SHC2: variants seen among roughly 807,000 people sequenced by gnomAD.
SHC2 encodes SHC-transforming protein 2.
Under a neutral mutation model 60.6 loss-of-function variants are expected in SHC2, and 62 were observed. That is an observed-to-expected ratio of 1.02 (90% CI 0.83 to 1.26). SHC2 has a LOEUF of 1.26. SHC2 is among the 50% of genes most tolerant of loss of function. The pLI, the probability that SHC2 is intolerant of heterozygous loss-of-function variation, is 0.00. For synonymous variants in SHC2, 375 were observed against 372.4 expected (o/e 1.01, Z -0.08); for missense variants, 873 against 822.2 (o/e 1.06, Z -0.76).
chr19:422,934 C>T lies in SHC2; in HGVS notation c.1310-478G>A, dbSNP rs932870945. The T allele has an allele frequency of 6.1e-6, 1 of 163,712 alleles. No homozygotes were observed. Among genetic ancestry groups the T allele is most frequent in the Non-Finnish European group, 1.3e-5 (1 of 75,590 alleles). 10.1% of individuals were successfully genotyped at this position (163,712 alleles called of 1,614,324 possible). ...TTCTAACGGCTTCCAACAATGCCAA[C>T]ATCCGACAGGCCACTCTAAGGCTCT... On this transcript the variant is annotated intron_variant, in intron 10 of 12. Coordinates refer to ENST00000264554, the MANE Select transcript of SHC2 (RefSeq NM_012435.3). The surrounding 1 kb of genome is among the most constrained non-coding windows in gnomAD (Gnocchi z 5.0).
In SHC2 at chr19:418,993, C is replaced by A. The variant is rs769964099; in HGVS notation, c.1684G>T (p.Gly562Trp). The A allele has an allele frequency of 3.2e-6, 5 of 1,586,228 alleles. No individual in the cohort carries two copies. The highest frequency in any genetic ancestry group is 2.3e-5 in the East Asian group (1 of 43,332). The change falls in exon 12 of 13, where the codon GGG becomes TGG. Residue 562 changes from glycine to tryptophan, a missense_variant. Physicochemically the swap from Gly to Trp is radical, Grantham distance 184 (BLOSUM62 -2). Transcript: ENST00000264554. ...CTCTCGGCGGCCACGATGGGCTGCC[C>A]GTTCTGCAGGTGGTGGTCGATCAGG... ...SHLIDHHLQN[G>W]QPIVAAESEL...
chr19:437,110 A>G (rs1974742045), intron 4 of SHC2, among the ~76,000 whole-genome samples: 1 of 152,148 alleles, frequency 6.6e-6, no homozygotes, highest in South Asian at 2.1e-4. Flanking sequence ...GTGCAAGGGC[A>G]CCTGTGAGTG....
Position 460,901 on chromosome 19 carries a change from C to T in SHC2, c.96G>A (p.Met32Ile). 1.0e-6 allele frequency: 1 copy of T among 991,426 alleles called. No individual in the cohort carries two copies. The highest frequency in any genetic ancestry group is 4.4e-5 in the South Asian group (1 of 22,824). 61.4% of individuals were successfully genotyped at this position (991,426 alleles called of 1,614,324 possible). ...CCGGGGCCGCGAACTTCCACTGCGG[C>T]ATTCGGGGCAGCAACGCGCAGAAGG... is the stretch of plus-strand genomic sequence containing the variant. ...PTTFCALLPR[M>I]PQWKFAAPGG... The change falls in exon 1 of 13, where the codon ATG becomes ATA. Residue 32 changes from methionine (M) to isoleucine (I), a missense_variant. By Grantham distance (10) the Met-to-Ile change is conservative. Coordinates refer to ENST00000264554, the MANE Select transcript of SHC2 (RefSeq NM_012435.3).
intron 11 of SHC2, chr19:419,303 G>C: frequency 2.2e-6 from 1 of 460,682 alleles, no homozygotes; most frequent in Non-Finnish European, 3.9e-6. Context: ...AAAGGTGACC[G>C]CGGGAAGATG....
chr19:452,409 A>C (rs1276105758), intron 1 of SHC2, among the ~76,000 whole-genome samples: 33 of 90,416 alleles, frequency 3.6e-4, no homozygotes, highest in African/African-American at 4.9e-4. Context: ...CGTTTCATTG[A>C]GGTTGGGGCA....
At chr19:437,198 A>G (rs1265025270) in intron 4 of SHC2, among the ~76,000 whole-genome samples, 1 of 150,576 alleles carries the variant, frequency 6.6e-6, no homozygotes, top group Non-Finnish European at 1.5e-5. Context: ...ATGCTCATCT[A>G]CTTGCTCGTT....
chr19:456,915 G>T (rs903590320), intron 1 of SHC2, among the ~76,000 whole-genome samples: 2 of 138,106 alleles, frequency 1.4e-5, no homozygotes, highest in Non-Finnish European at 3.1e-5. Flanking sequence ...TAAACCCACT[G>T]CGTGGGGCCT....
chr19:430,603 C>T, intron 9 of SHC2, 81 bp downstream of exon 9: 1 of 1,106,760 alleles, frequency 9.0e-7, no homozygotes, highest in South Asian at 1.4e-5. Flanking sequence ...AGGAGAAAGA[C>T]TGAGGGGGAG....
At chr19:418,779 G>T in intron 12 of SHC2, 144 bp downstream of exon 12, 1 of 912,202 alleles carries the variant, frequency 1.1e-6, no homozygotes, top group South Asian at 1.9e-5. Flanking sequence ...GACAGAGATG[G>T]TTGCACGGCT....
intron 1 of SHC2, among the ~76,000 whole-genome samples, chr19:455,967 A>G (rs933897208): frequency 3.3e-5 from 5 of 152,132 alleles, no homozygotes; most frequent in African/African-American, 7.2e-5. Flanking sequence ...GTGGATGTGG[A>G]CACGGGGCCG....
chr19:416,827 A>G lies in SHC2; in HGVS notation c.*501T>C, dbSNP rs1359501131. The G allele has an allele frequency of 6.6e-6, 1 of 152,060 alleles. No homozygotes were observed. The highest frequency in any genetic ancestry group is 1.5e-5 in the Non-Finnish European group (1 of 68,058). 9.4% of individuals were successfully genotyped at this position (152,060 alleles called of 1,614,324 possible). A position where few individuals can be genotyped will look rare whatever the true frequency, so the allele number is the denominator to read the frequency against. Reference sequence around the variant, plus strand: ...TCAAGGCTGCCTGCACTTCAGCGCCAGCATGTATCCTGGCCTGAGAACCCC... The same window carrying G: ...TCAAGGCTGCCTGCACTTCAGCGCCGGCATGTATCCTGGCCTGAGAACCCC... On this transcript the variant is annotated 3_prime_UTR_variant, in exon 13 of 13. Coordinates refer to ENST00000264554, the MANE Select transcript of SHC2 (RefSeq NM_012435.3).
chr19:458,233 G>C lies in SHC2; in HGVS notation c.468+2296C>G, dbSNP rs1386187943. 7.6e-5 allele frequency among the ~76,000 whole-genome samples: 10 copies of C among 130,880 alleles called. No homozygotes were observed. In the East Asian group the frequency reaches 2.3e-3, roughly 31 times the overall value. 85.9% of individuals were successfully genotyped at this position (130,880 alleles called of 152,430 possible). A position where few individuals can be genotyped will look rare whatever the true frequency, so the allele number is the denominator to read the frequency against. ...GGGGAGGCAGACGCGGGTTCCGGCG[G>C]AGGGGGAAGTGGGTTCCGGGGAGGC... On this transcript the variant is annotated intron_variant, in intron 1 of 12. Coordinates refer to ENST00000264554, the MANE Select transcript of SHC2 (RefSeq NM_012435.3).
intron 9 of SHC2, among the ~76,000 whole-genome samples, chr19:429,305 A>G (rs1248058573): frequency 3.7e-4 from 50 of 133,440 alleles, no homozygotes; most frequent in African/African-American, 7.1e-4. Flanking sequence ...TATACCCAAC[A>G]TGCACGGAAA....
At position 445,357 on chromosome 19, in the gene SHC2, G is replaced by A. The variant is rs929968861; in HGVS notation, c.469-4425C>T. On this transcript the variant is annotated intron_variant, in intron 1 of 12. Transcript: ENST00000264554. This position sits in a 1 kb window ranked among gnomAD's most constrained non-coding sequence, Gnocchi z 4.4. Reference sequence around the variant, plus strand: ...ACCACGTGAGGACACAGGAGAACACGGCCCTCTGTAAAGAGGCCCTCGCCA... The same window carrying A: ...ACCACGTGAGGACACAGGAGAACACAGCCCTCTGTAAAGAGGCCCTCGCCA... Among the ~76,000 whole-genome samples, 6 of 152,118 alleles carry A rather than the reference G, an allele frequency of 3.9e-5. No homozygotes were observed. Among genetic ancestry groups the A allele is most frequent in the African/African-American group, 9.7e-5 (4 of 41,414 alleles).
intron 1 of SHC2, among the ~76,000 whole-genome samples, chr19:442,960 C>CGGAT (rs1974939125): frequency 1.7e-4 from 1 of 5,890 alleles, no homozygotes; most frequent in Non-Finnish European, 3.1e-4. Context: ...GATGGATGGA[C>CGGAT]GGGTGGGTGG....
rs1975028865 is a variant in SHC2, at chr19:445,375, C to T, written c.469-4443G>A. On this transcript the variant is annotated intron_variant, in intron 1 of 12. Transcript: ENST00000264554. This position sits in a 1 kb window ranked among gnomAD's most constrained non-coding sequence, Gnocchi z 4.4. ...AGAACACGGCCCTCTGTAAAGAGGC[C>T]CTCGCCAGACACTGAATCTTCCGGC... 6.6e-6 allele frequency among the ~76,000 whole-genome samples: 1 copy of T among 152,170 alleles called. No individual in the cohort carries two copies. Among genetic ancestry groups the T allele is most frequent in the African/African-American group, 2.4e-5 (1 of 41,444 alleles).
intron 1 of SHC2, among the ~76,000 whole-genome samples, chr19:443,314 AT>A (rs1974954891): frequency 7.5e-6 from 1 of 132,504 alleles, no homozygotes; most frequent in African/African-American, 3.1e-5. Context: ...GGATGAGTGG[AT>A]GGGTGGATGG....
rs1314279838 is a variant in SHC2 at position 461,024 on chromosome 19, C to G, written c.-28G>C. On this transcript the variant is annotated 5_prime_UTR_variant, in exon 1 of 13. Coordinates refer to ENST00000264554, the MANE Select transcript of SHC2 (RefSeq NM_012435.3). ...CCGCGGCCGCCCGACGGAGCCCGACCGGGCGCTGCGCCTGGCGCGGAGGAA... is the reference window on the plus strand; with the variant it reads ...CCGCGGCCGCCCGACGGAGCCCGACGGGGCGCTGCGCCTGGCGCGGAGGAA... 1.6e-5 allele frequency: 13 copies of G among 803,948 alleles called. No individual in the cohort carries two copies. Among genetic ancestry groups the G allele is most frequent in the Non-Finnish European group, 2.0e-5 (13 of 663,946 alleles). The allele number at this position is 803,948 out of a possible 1,614,324, so 49.8% of individuals were successfully genotyped here. A position where few individuals can be genotyped will look rare whatever the true frequency, so the allele number is the denominator to read the frequency against.
Position 460,679 on chromosome 19 carries a change from C to G in SHC2, c.318G>C (p.Gly106=). 1 of 1,054,450 alleles carries G rather than the reference C, an allele frequency of 9.5e-7. No individual in the cohort carries two copies. The highest frequency in any genetic ancestry group is 1.1e-6 in the Non-Finnish European group (1 of 879,752). 65.3% of individuals were successfully genotyped at this position (1,054,450 alleles called of 1,614,324 possible). Reference sequence around the variant, plus strand: ...CCGCCGCCCCCCGCCCGCCCCGCGACCCCCGCGACCCCGCGCCCCGACAGC... The same window carrying G: ...CCGCCGCCCCCCGCCCGCCCCGCGAGCCCCGCGACCCCGCGCCCCGACAGC... ...LSRCRGAGSR[G]SRGGRGAAGS... The change falls in exon 1 of 13, where the codon GGG becomes GGC. Residue 106 remains glycine, a synonymous_variant. Coordinates refer to ENST00000264554, the MANE Select transcript of SHC2 (RefSeq NM_012435.3).
Sources: gnomAD v4.1 joint callset for allele counts (sites outside exome capture counted in the v4.1 genomes callset) on GRCh38, gnomAD v4.1.1 for gene constraint, Gnocchi (gnomAD v3.1) non-coding constraint, MANE v1.5 for transcripts, NCBI Gene and HGNC (gene_info 2026-07-23, HGNC 2026-07-21) for gene names.